The following TASOR2 variants were observed in gnomAD, a reference collection of about 807,000 sequenced individuals.
TASOR2 encodes the protein protein TASOR 2.
Under a neutral mutation model 199.5 loss-of-function variants are expected in TASOR2, and 84 were observed. The ratio of observed to expected loss-of-function variants is 0.42; its 90% CI spans 0.35 to 0.50. The LOEUF is 0.50. TASOR2 is among the 20% of genes least tolerant of loss of function. TASOR2 has a pLI of 0.02. For synonymous variants in TASOR2, 1,103 were observed against 1,046.6 expected, an observed-to-expected ratio of 1.05 and a Z score of -1.04; for missense variants, 2,796 against 2,835.9, an observed-to-expected ratio of 0.99 and a Z score of 0.32.
In TASOR2 at chr10:5,687,131, CTG is replaced by C. The variant is rs1321892913; in HGVS notation, c.-288+1960_-288+1961del. Among the ~76,000 whole-genome samples, 1 of 152,030 alleles carries C rather than the reference CTG, an allele frequency of 6.6e-6. No individual in the cohort carries two copies. The highest frequency in any genetic ancestry group is 1.5e-5 in the Non-Finnish European group (1 of 68,010). ...ATTAATATGTACTGACAAAGCGTAT[CTG>C]TGTAATAAATATGCTTTTTGTCAGT... On this transcript the variant is annotated intron_variant, in intron 1 of 20. Transcript: ENST00000328090. This position sits in a 1 kb window ranked among gnomAD's most constrained non-coding sequence, Gnocchi z 4.8.
At chr10:5,693,160 T>C (rs555240332) in intron 1 of TASOR2, among the ~76,000 whole-genome samples, 1 of 152,292 alleles carries the variant, frequency 6.6e-6, no homozygotes, top group South Asian at 2.1e-4. Flanking sequence ...AAAGACACTT[T>C]TGTATGGTAC....
chr10:5,746,147 ATT>A (rs59659624), intron 14 of TASOR2, 30 bp from the exon 16 acceptor site: 755 of 1,386,096 alleles, frequency 5.4e-4, no homozygotes, highest in South Asian at 2.6e-3. Flanking sequence ...TATATGACTG[ATT>A]TTTTTTTTTT....
exon 19 of TASOR2, chr10:5,761,310 A>T: frequency 1.2e-6 from 2 of 1,613,580 alleles, no homozygotes; most frequent in Non-Finnish European, 1.7e-6. Context: ...ACTGCACATA[A>T]GAAGAACATA....
intron 12 of TASOR2, among the ~76,000 whole-genome samples, chr10:5,736,430 A>AG (rs777465314): frequency 0.011 from 1,469 of 137,390 alleles, 32 homozygotes; most frequent in African/African-American, 0.039. Flanking sequence ...AAAAAAAAAA[A>AG]AGAGAGAGAG....
chr10:5,730,394 C>A lies in TASOR2; in HGVS notation c.488-93C>A. ...GAAATACTATAACATATTTAACCAT[C>A]ACATAATTTTGAAATCTAAAGCTTT... is the stretch of plus-strand genomic sequence containing the variant. On this transcript the variant is annotated intron_variant, in intron 10 of 20. Transcript: ENST00000328090. The surrounding 1 kb of genome is among the most constrained non-coding windows in gnomAD (Gnocchi z 4.1). The A allele has an allele frequency of 1.1e-6, 1 of 931,204 alleles. No individual in the cohort carries two copies. Among genetic ancestry groups the A allele is most frequent in the Non-Finnish European group, 1.6e-6 (1 of 628,402 alleles). The allele number at this position is 931,204 out of a possible 1,614,324, so 57.7% of individuals were successfully genotyped here.
Position 5,737,849 on chromosome 10 carries a change from A to C in TASOR2, c.1448-1769A>C, listed in dbSNP as rs1420831796. On this transcript the variant is annotated intron_variant, in intron 12 of 20. Coordinates refer to ENST00000328090, the Ensembl canonical transcript of TASOR2. This position sits in a 1 kb window ranked among gnomAD's most constrained non-coding sequence, Gnocchi z 4.9. ...AGGTATATAATTGCATACTGGCAGA[A>C]AAGTGAGCCCAGAAAATTTAAAGTT... 6.6e-6 allele frequency among the ~76,000 whole-genome samples: 1 copy of C among 152,258 alleles called. No individual in the cohort carries two copies. The highest frequency in any genetic ancestry group is 1.5e-5 in the Non-Finnish European group (1 of 68,040).
exon 21 of TASOR2, chr10:5,763,193 A>C: frequency 1.5e-6 from 1 of 646,336 alleles, no homozygotes; most frequent in Non-Finnish European, 2.6e-6. Context: ...TTTTGCTGAA[A>C]TATGTCACAG....
chr10:5,735,643 GTC>G, intron 12 of TASOR2, 97 bp downstream of exon 13: 1 of 1,407,966 alleles, frequency 7.1e-7, no homozygotes, highest in East Asian at 2.4e-5. Flanking sequence ...CAGTTGCAAT[GTC>G]CCAATAATTT....
chr10:5,740,759 C>T lies in TASOR2; in HGVS notation c.2327+262C>T, dbSNP rs192091898. Reference sequence around the variant, plus strand: ...AGCTTTCCATTTTGCAATGCTCCCTCGTAAGCCCTTGTGGCTTTTGAATTT... The same window carrying T: ...AGCTTTCCATTTTGCAATGCTCCCTTGTAAGCCCTTGTGGCTTTTGAATTT... On this transcript the variant is annotated intron_variant, in intron 13 of 20. Coordinates refer to ENST00000328090, the Ensembl canonical transcript of TASOR2. The surrounding 1 kb of genome is among the most constrained non-coding windows in gnomAD (Gnocchi z 5.3). Among the ~76,000 whole-genome samples the T allele has an allele frequency of 3.3e-5, 5 of 152,314 alleles. No homozygotes were observed. The highest frequency in any genetic ancestry group is 9.6e-5 in the African/African-American group (4 of 41,564).
intron 8 of TASOR2, among the ~76,000 whole-genome samples, chr10:5,726,591 G>C (rs115615509): frequency 0.014 from 2,073 of 152,294 alleles, 48 homozygotes; most frequent in African/African-American, 0.048. Flanking sequence ...TGAAATGTCA[G>C]CTGTCTCAGT....
chr10:5,737,758 G>A lies in TASOR2; in HGVS notation c.1448-1860G>A, dbSNP rs1415076423. 6.6e-6 allele frequency among the ~76,000 whole-genome samples: 1 copy of A among 152,184 alleles called. No individual in the cohort carries two copies. The highest frequency in any genetic ancestry group is 2.4e-5 in the African/African-American group (1 of 41,450). ...TAGGTAACATCTTGTGTTCCTAGCA[G>A]TGTCATTTGCATTCTTTGTACTGAA... On this transcript the variant is annotated intron_variant, in intron 12 of 20. Transcript: ENST00000328090. This position sits in a 1 kb window ranked among gnomAD's most constrained non-coding sequence, Gnocchi z 4.9.
chr10:5,756,806 C>T, intron 16 of TASOR2, 68 bp downstream of exon 17: 1 of 1,510,442 alleles, frequency 6.6e-7, no homozygotes, highest in Non-Finnish European at 8.9e-7. Context: ...TGCTCAGACT[C>T]ATCCCTCTTT....
rs191524287 is a variant in TASOR2 at position 5,699,769 on chromosome 10, C to T, written c.-287-13054C>T. 3.3e-6 allele frequency: 3 copies of T among 897,270 alleles called. No individual in the cohort carries two copies. Among genetic ancestry groups the T allele is most frequent in the Non-Finnish European group, 4.0e-6 (3 of 749,830 alleles). 55.6% of individuals were successfully genotyped at this position (897,270 alleles called of 1,614,324 possible). A position where few individuals can be genotyped will look rare whatever the true frequency, so the allele number is the denominator to read the frequency against. Reference sequence around the variant, plus strand: ...ATATTTTACCACAATTTTGATAATGCAAAGAAAGAAAACAAAAGATAGACA... The same window carrying T: ...ATATTTTACCACAATTTTGATAATGTAAAGAAAGAAAACAAAAGATAGACA... On this transcript the variant is annotated intron_variant, in intron 1 of 20. Transcript: ENST00000328090. The surrounding 1 kb of genome is among the most constrained non-coding windows in gnomAD (Gnocchi z 4.1).
At chr10:5,753,300 C>G (rs1161450248) in intron 15 of TASOR2, among the ~76,000 whole-genome samples, 1 of 152,154 alleles carries the variant, frequency 6.6e-6, no homozygotes, top group African/African-American at 2.4e-5. Context: ...GGAAGCTGCT[C>G]TTTAGCCTAA....
At chr10:5,694,601 C>T (rs150656563) in intron 1 of TASOR2, among the ~76,000 whole-genome samples, 1 of 152,222 alleles carries the variant, frequency 6.6e-6, no homozygotes, top group African/African-American at 2.4e-5. Context: ...GGAACTTTCT[C>T]CTGAATAATT....
rs181441515 is a variant in TASOR2, at chr10:5,733,834, G to A, written c.1205-1470G>A. On this transcript the variant is annotated intron_variant, in intron 11 of 20. Coordinates refer to ENST00000328090, the Ensembl canonical transcript of TASOR2. ...AGATTTTAGAAAATGTAATTAGAGTGTAATAAGAAGTCTTATTGTTAAAAA... is the reference window on the plus strand; with the variant it reads ...AGATTTTAGAAAATGTAATTAGAGTATAATAAGAAGTCTTATTGTTAAAAA... Among the ~76,000 whole-genome samples, 496 of 152,108 alleles carry A rather than the reference G, an allele frequency of 3.3e-3. 1 individual carries two copies. The highest frequency in any genetic ancestry group is 3.2e-3 in the Non-Finnish European group (219 of 68,000).
At chr10:5,735,979 ATTTAT>A (rs1314237984) in intron 12 of TASOR2, among the ~76,000 whole-genome samples, 3 of 152,170 alleles carry the variant, frequency 2.0e-5, no homozygotes, top group African/African-American at 7.2e-5. Flanking sequence ...ATTTAGTTTT[ATTTAT>A]TTAGAGACAG....
intron 1 of TASOR2, among the ~76,000 whole-genome samples, chr10:5,697,349 A>G (rs1273855035): frequency 1.3e-5 from 2 of 152,252 alleles, no homozygotes; most frequent in Non-Finnish European, 2.9e-5. Flanking sequence ...AAGTTCCAAC[A>G]GTTCTGTGAC....
chr10:5,709,319 T>C (rs960491957), intron 1 of TASOR2, among the ~76,000 whole-genome samples: 1 of 152,178 alleles, frequency 6.6e-6, no homozygotes, highest in Non-Finnish European at 1.5e-5. Context: ...TCTTTAGAAG[T>C]TAAAGACTTT....
Sources: gnomAD v4.1 joint callset for allele counts (sites outside exome capture counted in the v4.1 genomes callset) on GRCh38, gnomAD v4.1.1 for gene constraint, Gnocchi (gnomAD v3.1) non-coding constraint, MANE v1.5 for transcripts, NCBI Gene and HGNC (gene_info 2026-07-23, HGNC 2026-07-21) for gene names.